SCN10A: variants seen among roughly 807,000 people sequenced by gnomAD.
SCN10A encodes the protein sodium voltage-gated channel alpha subunit 10.
SCN10A carries 162 observed loss-of-function variants against 170.7 expected under a neutral mutation model. The observed-to-expected ratio is 0.95, with a 90% CI of 0.84 to 1.08. The LOEUF is 1.08. Among genes scored for constraint, SCN10A ranks in the 50% least tolerant of loss-of-function variants. The probability of loss-of-function intolerance (pLI) is 0.00; values close to 1 mark genes in which losing one functional copy is unlikely to be tolerated. For synonymous variants in SCN10A, 985 were observed against 904.6 expected (o/e 1.09, Z -1.59); for missense variants, 2,527 against 2,436.9 (o/e 1.04, Z -0.78).
At position 38,773,778 on chromosome 3, in the gene SCN10A, A is replaced by G. The variant is rs189929388; in HGVS notation, c.471-2371T>C. On this transcript the variant is annotated intron_variant, in intron 4 of 27. Transcript: ENST00000449082. ...ATATTATCTGATGATCTAACTGAAG[A>G]TTACAATATAACTGTAACAGGAAGA... Among the ~76,000 whole-genome samples the G allele has an allele frequency of 3.0e-4, 46 of 152,360 alleles. No individual in the cohort carries two copies. The East Asian group carries it at 7.9e-3, about 26-fold the overall frequency.
chr3:38,721,310 C>T (rs1041901314), intron 20 of SCN10A, among the ~76,000 whole-genome samples: 6 of 151,970 alleles, frequency 3.9e-5, no homozygotes, highest in African/African-American at 1.2e-4. Context: ...TAGTCCTAGC[C>T]CTTCAACTAA....
intron 8 of SCN10A, among the ~76,000 whole-genome samples, chr3:38,757,656 A>C (rs959736026): frequency 3.9e-5 from 6 of 152,234 alleles, no homozygotes; most frequent in Non-Finnish European, 7.3e-5. Flanking sequence ...TAATTTAATC[A>C]CTCAATGTTC....
intron 8 of SCN10A, among the ~76,000 whole-genome samples, chr3:38,760,154 A>G (rs9847662): frequency 0.26 from 39,091 of 152,056 alleles, 5,310 homozygotes; most frequent in African/African-American, 0.33. Flanking sequence ...TCTCTACTGG[A>G]CTGCAACTTG....
intron 4 of SCN10A, among the ~76,000 whole-genome samples, chr3:38,784,330 C>T (rs575437081): frequency 1.3e-4 from 20 of 152,152 alleles, no homozygotes; most frequent in East Asian, 5.8e-4. Context: ...GTTCAACATA[C>T]GCAAGTCAAT....
At chr3:38,782,808 A>G (rs2064154595) in intron 4 of SCN10A, among the ~76,000 whole-genome samples, 1 of 152,106 alleles carries the variant, frequency 6.6e-6, no homozygotes, top group Non-Finnish European at 1.5e-5. Context: ...TTATTATGAT[A>G]TGTAACATGC....
At chr3:38,755,998 C>T (rs767270878) in intron 10 of SCN10A, 40 bp from the exon 11 acceptor site, 1 of 1,611,838 alleles carries the variant, frequency 6.2e-7, no homozygotes, top group Non-Finnish European at 8.5e-7. Flanking sequence ...ATAGTATTTG[C>T]TTGGACTTAG....
intron 1 of SCN10A, among the ~76,000 whole-genome samples, chr3:38,795,921 A>G (rs2064339000): frequency 6.6e-6 from 1 of 152,196 alleles, no homozygotes. Flanking sequence ...AATTTCCAAG[A>G]TCACATTACT....
intron 4 of SCN10A, among the ~76,000 whole-genome samples, chr3:38,783,553 G>T (rs1438346175): frequency 6.6e-6 from 1 of 151,752 alleles, no homozygotes; most frequent in Non-Finnish European, 1.5e-5. Context: ...AATTTTTATT[G>T]CTGTAAGTTT....
intron 4 of SCN10A, among the ~76,000 whole-genome samples, chr3:38,787,747 G>A (rs369906031): frequency 3.3e-5 from 5 of 152,090 alleles, no homozygotes; most frequent in African/African-American, 7.2e-5. Flanking sequence ...AGGTGTACCC[G>A]TGCCATGGTG....
At chr3:38,741,564 A>C (rs1270361771) in intron 14 of SCN10A, among the ~76,000 whole-genome samples, 1 of 152,192 alleles carries the variant, frequency 6.6e-6, no homozygotes. Flanking sequence ...TATTATTACT[A>C]TTCCTGTGGG....
intron 26 of SCN10A, among the ~76,000 whole-genome samples, chr3:38,703,994 A>G (rs1226983768): frequency 6.6e-6 from 1 of 152,218 alleles, no homozygotes; most frequent in African/African-American, 2.4e-5. Flanking sequence ...TCAAATGAAA[A>G]TTTAAAGTCA....
chr3:38,794,016 C>T lies in SCN10A; in HGVS notation c.-6G>A, dbSNP rs200879597. The T allele has an allele frequency of 6.2e-7, 1 of 1,613,070 alleles. No individual in the cohort carries two copies. Among genetic ancestry groups the T allele is most frequent in the Non-Finnish European group, 8.5e-7 (1 of 1,179,410 alleles). On this transcript the variant is annotated 5_prime_UTR_variant, in exon 2 of 28. The change abolishes an upstream ATG in the 5' untranslated region. Transcript: ENST00000449082. ...GATCCAATGGGGAATTCCATCTTCTCATTCTTCTTCAGGAAGTATTTATAC... is the reference window on the plus strand; with the variant it reads ...GATCCAATGGGGAATTCCATCTTCTTATTCTTCTTCAGGAAGTATTTATAC...
chr3:38,732,792 T>C (rs1425682359), intron 15 of SCN10A, among the ~76,000 whole-genome samples: 1 of 152,166 alleles, frequency 6.6e-6, no homozygotes, highest in Non-Finnish European at 1.5e-5. Context: ...GCTATGTTGG[T>C]CAAGACAGTA....
intron 3 of SCN10A, among the ~76,000 whole-genome samples, chr3:38,789,394 G>A (rs2064250516): frequency 6.6e-6 from 1 of 152,106 alleles, no homozygotes; most frequent in African/African-American, 2.4e-5. Context: ...CAAGATAGAA[G>A]GAAACAGACT....
At position 38,709,471 on chromosome 3, in the gene SCN10A, C is replaced by G; in HGVS notation, c.4281+7G>C. The G allele has an allele frequency of 6.2e-7, 1 of 1,605,600 alleles. No homozygotes were observed. Among genetic ancestry groups the G allele is most frequent in the Non-Finnish European group, 8.5e-7 (1 of 1,176,406 alleles). On this transcript the variant is annotated splice_region_variant and intron_variant, in intron 25 of 27. Coordinates refer to ENST00000449082, the MANE Select transcript of SCN10A (RefSeq NM_006514.4). The stretch of plus-strand genomic sequence containing the variant: ...GCAGAAACCAGAAACTCCTGAGCAC[C>G]ACTTATCTTTTTTTTCTGTTGATTG...
chr3:38,750,447 C>T (rs1290038028), intron 12 of SCN10A, among the ~76,000 whole-genome samples: 3 of 152,192 alleles, frequency 2.0e-5, no homozygotes, highest in Admixed American at 2.0e-4. Context: ...CAAATCTGTA[C>T]AGCATGTTAT....
At chr3:38,751,766 A>G (rs1292814553) in intron 12 of SCN10A, among the ~76,000 whole-genome samples, 1 of 152,174 alleles carries the variant, frequency 6.6e-6, no homozygotes, top group Non-Finnish European at 1.5e-5. Flanking sequence ...AGCAAGGAAT[A>G]CTGTGCTTCT....
chr3:38,750,922 C>T (rs2063740312), intron 12 of SCN10A, among the ~76,000 whole-genome samples: 1 of 152,200 alleles, frequency 6.6e-6, no homozygotes, highest in South Asian at 2.1e-4. Context: ...CCCAGCGAGC[C>T]CTGCAGGATG....
intron 15 of SCN10A, among the ~76,000 whole-genome samples, chr3:38,735,039 G>T (rs1007390995): frequency 6.6e-6 from 1 of 151,610 alleles, no homozygotes; most frequent in Non-Finnish European, 1.5e-5. Flanking sequence ...GCATGGTGGT[G>T]GGTGCCTGTA....
Sources: gnomAD v4.1 joint callset for allele counts (sites outside exome capture counted in the v4.1 genomes callset) on GRCh38, gnomAD v4.1.1 for gene constraint, MANE v1.5 for transcripts, NCBI Gene and HGNC (gene_info 2026-07-23, HGNC 2026-07-21) for gene names.